KCNQ3: variants seen among roughly 807,000 people sequenced by gnomAD.
KCNQ3 encodes potassium voltage-gated channel subfamily KQT member 3.
In KCNQ3, 30 loss-of-function variants were observed where a neutral mutation model predicts 92.5. That is an observed-to-expected ratio of 0.32 (90% CI 0.24 to 0.44). The LOEUF is 0.44. Among genes scored for constraint, KCNQ3 ranks in the 20% least tolerant of loss-of-function variants. KCNQ3 has a pLI of 1.00. For synonymous variants in KCNQ3, 450 were observed against 468.8 expected, an observed-to-expected ratio of 0.96 and a Z score of 0.52; for missense variants, 913 against 1,140.3, an observed-to-expected ratio of 0.80 and a Z score of 2.87.
intron 14 of KCNQ3, 146 bp from the exon 15 acceptor site, chr8:132,130,142 G>T: frequency 2.1e-6 from 2 of 939,722 alleles, no homozygotes; most frequent in South Asian, 1.7e-5. Flanking sequence ...GAGTGCAGTG[G>T]CGCGATCTGG....
chr8:132,269,055 A>G (rs1290302510), intron 1 of KCNQ3, among the ~76,000 whole-genome samples: 1 of 152,224 alleles, frequency 6.6e-6, no homozygotes, highest in Non-Finnish European at 1.5e-5. Context: ...TGAGGTGTCT[A>G]TTAAAGTGTT....
chr8:132,464,888 T>C (rs1474229444), intron 1 of KCNQ3, among the ~76,000 whole-genome samples: 1 of 152,238 alleles, frequency 6.6e-6, no homozygotes, highest in Non-Finnish European at 1.5e-5. Context: ...AGGTCTGGCA[T>C]CTGCTGGGCC....
chr8:132,347,438 G>A (rs1818722887), intron 1 of KCNQ3, among the ~76,000 whole-genome samples: 3 of 152,266 alleles, frequency 2.0e-5, no homozygotes, highest in Admixed American at 2.0e-4. Flanking sequence ...TGAACAACAC[G>A]GTTGTGTTCT....
At chr8:132,324,621 G>A (rs958402427) in intron 1 of KCNQ3, among the ~76,000 whole-genome samples, 12 of 152,196 alleles carry the variant, frequency 7.9e-5, no homozygotes, top group African/African-American at 2.9e-4. Flanking sequence ...TTTCCATTAA[G>A]CAACCATTTG....
intron 1 of KCNQ3, chr8:132,278,196 A>G: frequency 1.0e-6 from 1 of 985,376 alleles, no homozygotes; most frequent in Admixed American, 6.1e-5. Flanking sequence ...TTGGTTTCAC[A>G]TAGGATGGTA....
At chr8:132,156,537 T>C (rs1235182188) in intron 9 of KCNQ3, among the ~76,000 whole-genome samples, 1 of 152,170 alleles carries the variant, frequency 6.6e-6, no homozygotes, top group East Asian at 1.9e-4. Flanking sequence ...TCAGCCCCTG[T>C]GTGAGTTGTT....
chr8:132,395,489 C>T (rs1195628940), intron 1 of KCNQ3, among the ~76,000 whole-genome samples: 1 of 152,164 alleles, frequency 6.6e-6, no homozygotes, highest in Non-Finnish European at 1.5e-5. Context: ...AAGTGGTACC[C>T]TACCTGACTT....
chr8:132,198,439 G>A (rs1462320705), intron 1 of KCNQ3, among the ~76,000 whole-genome samples: 1 of 152,214 alleles, frequency 6.6e-6, no homozygotes, highest in Non-Finnish European at 1.5e-5. Flanking sequence ...TCCAGGATCT[G>A]AATCTTAGCT....
intron 1 of KCNQ3, among the ~76,000 whole-genome samples, chr8:132,432,777 A>G (rs1003016360): frequency 3.9e-5 from 6 of 152,204 alleles, no homozygotes; most frequent in African/African-American, 1.4e-4. Context: ...TCCTTCACTT[A>G]AAAATGCCTG....
intron 1 of KCNQ3, among the ~76,000 whole-genome samples, chr8:132,309,655 A>G (rs1321715102): frequency 6.6e-6 from 1 of 152,184 alleles, no homozygotes; most frequent in East Asian, 1.9e-4. Flanking sequence ...CCCTCACCAC[A>G]TGTCAGCTAA....
chr8:132,462,886 C>T (rs1276212984), intron 1 of KCNQ3, among the ~76,000 whole-genome samples: 1 of 152,178 alleles, frequency 6.6e-6, no homozygotes, highest in East Asian at 1.9e-4. Context: ...TATTCTCCCT[C>T]TCCCCATCTA....
chr8:132,129,600 G>T lies in KCNQ3; in HGVS notation c.2281C>A (p.His761Asn), dbSNP rs1216704363. The stretch of plus-strand genomic sequence containing the variant: ...GGGCCCTGCAGGTCAGCCTGGGAGT[G>T]GCAGCTCACTCGGGAGTCGAGAAGA... The part of the protein sequence containing the change: ...LTLLDSRVSC[H>N]SQADLQGPYS... Residue 761 changes from histidine (H) to asparagine (N), a missense_variant, in exon 15 of 15, where the codon CAC (histidine) becomes AAC (asparagine). Physicochemically the swap from His to Asn is moderately conservative, Grantham distance 68. This residue lies in a region of KCNQ3 where 375 missense variants were observed against 376.4 expected (regional missense o/e 1.00). Coordinates refer to ENST00000388996, the MANE Select transcript of KCNQ3 (RefSeq NM_004519.4). The surrounding 1 kb of genome is among the most constrained non-coding windows in gnomAD (Gnocchi z 5.9). 6.2e-7 allele frequency: 1 copy of T among 1,614,174 alleles called. No homozygotes were observed. Among genetic ancestry groups the T allele is most frequent in the Non-Finnish European group, 8.5e-7 (1 of 1,180,038 alleles).
rs200862101 is a variant in KCNQ3 at position 132,248,280 on chromosome 8, A to AATCC, written c.387-62103_387-62100dup. 3.0e-4 allele frequency among the ~76,000 whole-genome samples: 45 copies of AATCC among 151,988 alleles called. 1 individual carries two copies. In the East Asian group the frequency reaches 8.5e-3, roughly 29 times the overall value. On this transcript the variant is annotated intron_variant, in intron 1 of 14. Coordinates refer to ENST00000388996, the MANE Select transcript of KCNQ3 (RefSeq NM_004519.4). ...TTCTTTTCATCAGAAAAGAATCCAGAATCCACATTAGTGGCTTCCAAAAGC... is the reference window on the plus strand; with the variant it reads ...TTCTTTTCATCAGAAAAGAATCCAGAATCCATCCACATTAGTGGCTTCCAAAAGC...
intron 1 of KCNQ3, among the ~76,000 whole-genome samples, chr8:132,197,259 G>A (rs1360689394): frequency 6.6e-6 from 1 of 152,134 alleles, no homozygotes; most frequent in Non-Finnish European, 1.5e-5. Context: ...GATGGTTGTG[G>A]TGGAGGCTTC....
intron 1 of KCNQ3, among the ~76,000 whole-genome samples, chr8:132,356,338 G>C (rs1819016973): frequency 6.6e-6 from 1 of 152,198 alleles, no homozygotes; most frequent in African/African-American, 2.4e-5. Context: ...TGATTGAAAA[G>C]ATAAGATAGC....
chr8:132,142,519 A>T (rs962164158), intron 9 of KCNQ3, among the ~76,000 whole-genome samples: 11 of 151,960 alleles, frequency 7.2e-5, no homozygotes, highest in Non-Finnish European at 1.6e-4. Context: ...TTGCCCCCTT[A>T]CCCTAGTGAG....
rs942362146 is a variant in KCNQ3, at chr8:132,293,751, G to A, written c.387-107570C>T. On this transcript the variant is annotated intron_variant, in intron 1 of 14. Transcript: ENST00000388996. Reference sequence around the variant, plus strand: ...ATCTCTTTGGGTCTTGATTACTGAAGAGTCAGGCATGACACGTGAAATAGT... The same window carrying A: ...ATCTCTTTGGGTCTTGATTACTGAAAAGTCAGGCATGACACGTGAAATAGT... Among the ~76,000 whole-genome samples, 3 of 152,264 alleles carry A rather than the reference G, an allele frequency of 2.0e-5. No homozygotes were observed. In the East Asian group the frequency reaches 5.8e-4, roughly 30 times the overall value.
intron 1 of KCNQ3, among the ~76,000 whole-genome samples, chr8:132,476,363 T>C (rs1178914296): frequency 6.6e-6 from 1 of 152,194 alleles, no homozygotes; most frequent in African/African-American, 2.4e-5. Flanking sequence ...CACAGACAGC[T>C]TGCACTGTGT....
intron 1 of KCNQ3, among the ~76,000 whole-genome samples, chr8:132,440,627 G>A (rs577681050): frequency 6.6e-5 from 10 of 152,200 alleles, no homozygotes; most frequent in Non-Finnish European, 1.2e-4. Flanking sequence ...ACGCCACGAA[G>A]ACAAGGAAGC....
Sources: allele counts gnomAD v4.1 joint callset (sites outside exome capture counted in the v4.1 genomes callset), GRCh38; gene constraint gnomAD v4.1.1; regional missense constraint gnomAD v4.1.1; non-coding constraint Gnocchi (gnomAD v3.1); transcripts MANE v1.5; gene names NCBI Gene and HGNC (gene_info 2026-07-23, HGNC 2026-07-21).